MBD5: variants seen among roughly 807,000 people sequenced by gnomAD.
The protein encoded by MBD5 is methyl-CpG-binding domain protein 5.
MBD5 carries 13 observed loss-of-function variants against 117.3 expected under a neutral mutation model. The ratio of observed to expected loss-of-function variants is 0.11; its 90% CI spans 0.07 to 0.18. The LOEUF (loss-of-function observed/expected upper bound fraction) is 0.18. Ranked by LOEUF, MBD5 falls within the 10% of genes least tolerant of loss-of-function variation. The pLI, the probability that MBD5 is intolerant of heterozygous loss-of-function variation, is 1.00. For synonymous variants in MBD5, 727 were observed against 766.4 expected (o/e 0.95, Z 0.85); for missense variants, 1,879 against 2,093.8 (o/e 0.90, Z 2.00).
At chr2:148,376,103 C>A (rs75946299) in intron 4 of MBD5, among the ~76,000 whole-genome samples, 1,680 of 151,138 alleles carry the variant, frequency 0.011, 32 homozygotes, top group African/African-American at 0.038. Context: ...AGATTGTCTT[C>A]CCTTGAGGGG....
chr2:148,081,676 T>A (rs1287251025), intron 1 of MBD5, among the ~76,000 whole-genome samples: 1 of 152,140 alleles, frequency 6.6e-6, no homozygotes, highest in East Asian at 1.9e-4. Flanking sequence ...CTCCTTTTTT[T>A]CAAATGGACC....
At position 148,293,548 on chromosome 2, in the gene MBD5, A is replaced by T. The variant is rs181156469; in HGVS notation, c.-679-48666A>T. Reference sequence around the variant, plus strand: ...ACCTACAATAATTTTTTTGAAAAAGATCATATCATCTTAAATCGAGATAGT... The same window carrying T: ...ACCTACAATAATTTTTTTGAAAAAGTTCATATCATCTTAAATCGAGATAGT... On this transcript the variant is annotated intron_variant, in intron 3 of 13. Coordinates refer to ENST00000642680, the MANE Select transcript of MBD5 (RefSeq NM_001378120.1). 5.3e-5 allele frequency among the ~76,000 whole-genome samples: 8 copies of T among 152,228 alleles called. No homozygotes were observed. In the East Asian group the frequency reaches 1.5e-3, roughly 29 times the overall value.
intron 4 of MBD5, among the ~76,000 whole-genome samples, chr2:148,447,999 C>T (rs1416637964): frequency 6.6e-6 from 1 of 152,048 alleles, no homozygotes; most frequent in African/African-American, 2.4e-5. Context: ...GAAACTCCCT[C>T]CCTCTCCAAC....
chr2:148,267,295 G>A (rs1053169942), intron 3 of MBD5, among the ~76,000 whole-genome samples: 1 of 152,176 alleles, frequency 6.6e-6, no homozygotes, highest in African/African-American at 2.4e-5. Context: ...TTAAAACAGA[G>A]AAAGGATGAA....
chr2:148,049,297 TGAACCAAGGGAG>T (rs1470160143), intron 1 of MBD5, among the ~76,000 whole-genome samples: 2 of 152,156 alleles, frequency 1.3e-5, no homozygotes, highest in African/African-American at 4.8e-5. Context: ...CACTTTGCTT[TGAACCAAGGGAG>T]GAATTTGGAT....
At chr2:148,184,779 C>T (rs1161927008) in intron 2 of MBD5, among the ~76,000 whole-genome samples, 3 of 152,086 alleles carry the variant, frequency 2.0e-5, no homozygotes, top group Admixed American at 6.5e-5. Flanking sequence ...AGACTAGTAT[C>T]CAGTCTGGCA....
At chr2:148,207,672 A>G (rs369226973) in intron 2 of MBD5, among the ~76,000 whole-genome samples, 7 of 140,908 alleles carry the variant, frequency 5.0e-5, no homozygotes, top group African/African-American at 1.7e-4. Flanking sequence ...GAGCCAGCTG[A>G]GAGAGATACT....
chr2:148,431,358 C>T (rs1194127342), intron 4 of MBD5, among the ~76,000 whole-genome samples: 2 of 152,214 alleles, frequency 1.3e-5, no homozygotes, highest in South Asian at 2.1e-4. Flanking sequence ...AATCATACAA[C>T]CAGCAAGAGC....
Position 148,039,087 on chromosome 2 carries a change from A to G in MBD5, c.-925+17403A>G, listed in dbSNP as rs528838729. 2.9e-4 allele frequency among the ~76,000 whole-genome samples: 44 copies of G among 152,254 alleles called. No homozygotes were observed. The East Asian group carries it at 6.6e-3, about 23-fold the overall frequency. On this transcript the variant is annotated intron_variant, in intron 1 of 13. Transcript: ENST00000642680. ...AAATAATAGCTGAGAGCTGAAAACA[A>G]GTATTCTGCTTTACAACCTTAGATC...
intron 1 of MBD5, among the ~76,000 whole-genome samples, chr2:148,110,227 C>G (rs1006597671): frequency 1.3e-5 from 2 of 152,090 alleles, no homozygotes; most frequent in Non-Finnish European, 2.9e-5. Context: ...TTCAAAGATG[C>G]AAGTGATTGA....
chr2:148,258,905 G>A (rs79596760), intron 3 of MBD5, among the ~76,000 whole-genome samples: 2 of 152,032 alleles, frequency 1.3e-5, no homozygotes, highest in African/African-American at 4.8e-5. Context: ...TTCCCTGAGA[G>A]CCGCCATAGC....
chr2:148,383,218 TAAA>T (rs1195531895), intron 4 of MBD5, among the ~76,000 whole-genome samples: 1 of 151,034 alleles, frequency 6.6e-6, no homozygotes, highest in African/African-American at 2.4e-5. Context: ...GCAAGACTAA[TAAA>T]GAAGAAGAGA....
At chr2:148,239,697 A>ACACACACACACACACACACACG (rs1700170177) in intron 3 of MBD5, among the ~76,000 whole-genome samples, 3 of 151,458 alleles carry the variant, frequency 2.0e-5, no homozygotes, top group African/African-American at 7.3e-5. Flanking sequence ...ACACACACAC[A>ACACACACACACACACACACACG]CACACACACA....
At chr2:148,412,202 A>G (rs1360640802) in intron 4 of MBD5, among the ~76,000 whole-genome samples, 1 of 151,190 alleles carries the variant, frequency 6.6e-6, no homozygotes, top group Non-Finnish European at 1.5e-5. Context: ...ATTCTATTCC[A>G]TTGGTGTATG....
chr2:148,033,140 A>G (rs1026848306), intron 1 of MBD5, among the ~76,000 whole-genome samples: 5 of 152,210 alleles, frequency 3.3e-5, no homozygotes, highest in Non-Finnish European at 5.9e-5. Context: ...GAAGGAGAGT[A>G]GAAGTATCAC....
At chr2:148,318,561 C>T (rs938125232) in intron 3 of MBD5, among the ~76,000 whole-genome samples, 6 of 152,018 alleles carry the variant, frequency 3.9e-5, no homozygotes, top group African/African-American at 7.2e-5. Context: ...GAGATTTCCT[C>T]GGTTTTCTTC....
intron 2 of MBD5, among the ~76,000 whole-genome samples, chr2:148,196,446 A>C (rs927237004): frequency 6.6e-6 from 1 of 152,206 alleles, no homozygotes; most frequent in Non-Finnish European, 1.5e-5. Context: ...GCATTCTGAA[A>C]GAGTCCCTTT....
At chr2:148,364,556 A>C (rs532426033) in intron 4 of MBD5, among the ~76,000 whole-genome samples, 198 of 152,270 alleles carry the variant, frequency 1.3e-3, no homozygotes, top group Middle Eastern at 3.4e-3. Context: ...CAAATCGGAC[A>C]AAGTGTCAAG....
At chr2:148,132,355 TA>T (rs1697071774) in intron 1 of MBD5, among the ~76,000 whole-genome samples, 1 of 146,558 alleles carries the variant, frequency 6.8e-6, no homozygotes, top group Admixed American at 6.8e-5. Context: ...TATATACACA[TA>T]TATATATATA....
Sources: allele counts gnomAD v4.1 joint callset (sites outside exome capture counted in the v4.1 genomes callset), GRCh38; gene constraint gnomAD v4.1.1; transcripts MANE v1.5; gene names NCBI Gene and HGNC (gene_info 2026-07-23, HGNC 2026-07-21).